Variants in PCDHGB2 observed in about 807,000 individuals in gnomAD.
PCDHGB2 encodes protocadherin gamma subfamily B, 2.
A neutral mutation model predicts 59.3 loss-of-function variants in PCDHGB2; 55 were observed. That is an observed-to-expected ratio of 0.93 (90% confidence interval 0.75 to 1.16). The LOEUF (loss-of-function observed/expected upper bound fraction) is 1.16. PCDHGB2 is among the 50% of genes most tolerant of loss of function. The pLI, the probability that PCDHGB2 is intolerant of heterozygous loss-of-function variation, is 0.00. For synonymous variants in PCDHGB2, 516 were observed against 512.0 expected (o/e 1.01, Z -0.11); for missense variants, 1,228 against 1,198.5 (o/e 1.02, Z -0.36).
intron 1 of PCDHGB2, chr5:141,404,187 G>A (rs370199750): frequency 3.1e-6 from 5 of 1,613,124 alleles, no homozygotes; most frequent in African/African-American, 1.3e-5. Context: ...ATTCTTGACC[G>A]AGAAAAAGCC....
At position 141,374,819 on chromosome 5, in the gene PCDHGB2, G is replaced by A. The variant is rs1489932950; in HGVS notation, c.2421+12263G>A. On this transcript the variant is annotated intron_variant, in intron 1 of 3. Transcript: ENST00000522605. ...CAACACTCCAATGTTTACTCAGCCT[G>A]TCTACCGTGTAAGTGTTCCTGAAAA... 2 of 1,613,812 alleles carry A rather than the reference G, an allele frequency of 1.2e-6. 1 individual carries two copies. Among genetic ancestry groups the A allele is most frequent in the East Asian group, 4.5e-5 (2 of 44,894 alleles).
At chr5:141,427,777 C>A in intron 1 of PCDHGB2, 1 of 1,432,382 alleles carries the variant, frequency 7.0e-7, no homozygotes, top group Non-Finnish European at 9.7e-7. Flanking sequence ...GAGCTGCGGG[C>A]ACTGTCGTCC....
At chr5:141,409,916 T>C (rs762510018) in intron 1 of PCDHGB2, 3 of 1,613,298 alleles carry the variant, frequency 1.9e-6, no homozygotes, top group Non-Finnish European at 2.5e-6. Flanking sequence ...TCCTGACGGC[T>C]CCGCGTTCTT....
At position 141,400,271 on chromosome 5, in the gene PCDHGB2, C is replaced by A. The variant is rs2093993934; in HGVS notation, c.2421+37715C>A. The A allele has an allele frequency of 4.3e-6, 7 of 1,614,094 alleles. No individual in the cohort carries two copies. In the African/African-American group the frequency reaches 9.3e-5, roughly 21 times the overall value. The stretch of plus-strand genomic sequence containing the variant: ...GTTGCCTTGCGCCTGCGACGCTCCT[C>A]CAGCCCTGCCGCCTGGAGCTGCTTC... On this transcript the variant is annotated intron_variant, in intron 1 of 3. Transcript: ENST00000522605.
intron 1 of PCDHGB2, chr5:141,422,570 A>G: frequency 6.2e-7 from 1 of 1,614,012 alleles, no homozygotes; most frequent in African/African-American, 1.3e-5. Flanking sequence ...GATGACAACG[A>G]TAACCCTCCC....
At chr5:141,433,397 A>C (rs189987785) in intron 1 of PCDHGB2, among the ~76,000 whole-genome samples, 2 of 150,410 alleles carry the variant, frequency 1.3e-5, no homozygotes, top group African/African-American at 4.9e-5. Context: ...CTATCTATCT[A>C]TCTATCTATT....
At chr5:141,372,810 G>A (rs1769086756) in intron 1 of PCDHGB2, 3 of 1,587,362 alleles carry the variant, frequency 1.9e-6, no homozygotes, top group Non-Finnish European at 2.6e-6. Flanking sequence ...TTTGCAAAAG[G>A]TGAGTTTCTT....
At chr5:141,423,711 T>C (rs1479409204) in intron 1 of PCDHGB2, 1 of 1,330,004 alleles carries the variant, frequency 7.5e-7, no homozygotes, top group Non-Finnish European at 9.6e-7. Flanking sequence ...GCACAAGTCT[T>C]TTAAGGAGAT....
intron 1 of PCDHGB2, chr5:141,389,708 G>A: frequency 6.2e-7 from 1 of 1,612,610 alleles, no homozygotes; most frequent in South Asian, 1.1e-5. Context: ...ACGTGCTGCA[G>A]GCTAGCGAGC....
At chr5:141,376,704 G>T in intron 1 of PCDHGB2, 1 of 620,824 alleles carries the variant, frequency 1.6e-6, no homozygotes. Flanking sequence ...TTTTGAGACG[G>T]AGTCTCGCTC....
chr5:141,364,417 G>A, intron 1 of PCDHGB2: 1 of 1,613,362 alleles, frequency 6.2e-7, no homozygotes. Context: ...CAGGATCCGG[G>A]CAGATCCGCT....
intron 1 of PCDHGB2, among the ~76,000 whole-genome samples, chr5:141,468,782 C>T (rs1280972843): frequency 2.0e-5 from 3 of 151,990 alleles, no homozygotes; most frequent in East Asian, 3.9e-4. Context: ...AGGAGAATGG[C>T]GTGAACCCGG....
At chr5:141,410,038 T>C (rs1364065272) in intron 1 of PCDHGB2, 2 of 1,613,086 alleles carry the variant, frequency 1.2e-6, no homozygotes, top group African/African-American at 1.3e-5. Flanking sequence ...TGCAGGCCAG[T>C]GAGCCCGGAC....
chr5:141,470,742 G>T (rs2099238719), intron 1 of PCDHGB2, among the ~76,000 whole-genome samples: 1 of 152,066 alleles, frequency 6.6e-6, no homozygotes, highest in African/African-American at 2.4e-5. Flanking sequence ...CTGTCGCCCT[G>T]GCTGGAGTGC....
intron 1 of PCDHGB2, chr5:141,398,815 A>G (rs1369560562): frequency 6.2e-7 from 1 of 1,613,870 alleles, no homozygotes; most frequent in East Asian, 2.2e-5. Context: ...TGAGCTCCGG[A>G]TCCAGGTAAC....
chr5:141,445,828 G>A (rs1188169953), intron 1 of PCDHGB2, among the ~76,000 whole-genome samples: 2 of 152,188 alleles, frequency 1.3e-5, no homozygotes, highest in African/African-American at 2.4e-5. Context: ...AAGGCAGGGA[G>A]AGCCTTGTAA....
intron 1 of PCDHGB2, chr5:141,429,110 T>A (rs2097186231): frequency 6.6e-6 from 1 of 151,978 alleles, no homozygotes; most frequent in Non-Finnish European, 1.5e-5. Context: ...CGCCTCGGCC[T>A]CCCAAAGTGC....
intron 1 of PCDHGB2, chr5:141,372,279 G>A: frequency 6.2e-7 from 1 of 1,613,176 alleles, no homozygotes; most frequent in Middle Eastern, 1.7e-4. Context: ...GGTGCGCACG[G>A]CGCGTACCTT....
intron 1 of PCDHGB2, chr5:141,433,132 T>A (rs1168186406): frequency 6.2e-7 from 1 of 1,614,122 alleles, no homozygotes; most frequent in Non-Finnish European, 8.5e-7. Context: ...GCGAGCCCCT[T>A]TTGCTGTCAG....
Sources: gnomAD v4.1 joint callset for allele counts (sites outside exome capture counted in the v4.1 genomes callset) on GRCh38, gnomAD v4.1.1 for gene constraint, MANE v1.5 for transcripts, NCBI Gene and HGNC (gene_info 2026-07-23, HGNC 2026-07-21) for gene names.